Variants in SLC38A9 observed in about 807,000 individuals in gnomAD.
SLC38A9 encodes neutral amino acid transporter 9.
In SLC38A9, 48 loss-of-function variants were observed where a neutral mutation model predicts 62.3. The ratio of observed to expected loss-of-function variants is 0.77; its 90% CI spans 0.61 to 0.98. SLC38A9 has a LOEUF of 0.98. Ranked by LOEUF, SLC38A9 falls within the 50% of genes least tolerant of loss-of-function variation. SLC38A9 has a pLI of 0.00. For missense variants in SLC38A9, 541 were observed against 679.8 expected (o/e 0.80, Z 2.27); for synonymous variants, 204 against 227.7 (o/e 0.90, Z 0.94).
intron 3 of SLC38A9, among the ~76,000 whole-genome samples, chr5:55,690,865 T>C (rs2150532459): frequency 6.6e-6 from 1 of 152,330 alleles, no homozygotes; most frequent in East Asian, 1.9e-4. Flanking sequence ...TGCGACCTTA[T>C]TTACAATCCC....
At chr5:55,704,467 G>C (rs1456834331) in intron 2 of SLC38A9, 1 of 152,176 alleles carries the variant, frequency 6.6e-6, no homozygotes, top group Non-Finnish European at 1.5e-5. Context: ...AAACCTATAA[G>C]TTAGTAAGTA....
intron 3 of SLC38A9, among the ~76,000 whole-genome samples, chr5:55,688,659 G>T (rs28661188): frequency 4.0e-5 from 6 of 151,804 alleles, no homozygotes; most frequent in African/African-American, 2.4e-5. Context: ...GGATTACAGG[G>T]GTGAGCCACT....
intron 12 of SLC38A9, among the ~76,000 whole-genome samples, chr5:55,642,729 T>C (rs527250546): frequency 6.6e-6 from 1 of 152,192 alleles, no homozygotes; most frequent in Non-Finnish European, 1.5e-5. Context: ...TTTTTACATA[T>C]GACAAAAATG....
At chr5:55,708,974 T>A (rs562256097) in intron 2 of SLC38A9, among the ~76,000 whole-genome samples, 1 of 152,330 alleles carries the variant, frequency 6.6e-6, no homozygotes, top group South Asian at 2.1e-4. Flanking sequence ...GTCACCCTGG[T>A]GGAAGCAGTT....
intron 8 of SLC38A9, among the ~76,000 whole-genome samples, chr5:55,657,391 C>T (rs548815112): frequency 3.0e-4 from 45 of 152,172 alleles, no homozygotes; most frequent in African/African-American, 1.1e-3. Context: ...TTCTCTTATC[C>T]TCACACTAAA....
chr5:55,692,952 C>T lies in SLC38A9; in HGVS notation c.113+4894G>A, dbSNP rs554318251. 2.0e-5 allele frequency: 20 copies of T among 980,282 alleles called. No individual in the cohort carries two copies. The African/African-American group carries it at 3.3e-4, about 16-fold the overall frequency. The allele number at this position is 980,282 out of a possible 1,614,324, so 60.7% of individuals were successfully genotyped here. On this transcript the variant is annotated intron_variant, in intron 3 of 15. Transcript: ENST00000396865. ...GATAAATTTCTCATGTGATAAATTT[C>T]ACATTTCCACCTCTAGTTTTAAGAA... is the stretch of plus-strand genomic sequence containing the variant.
chr5:55,699,602 C>T (rs6450344), intron 2 of SLC38A9, among the ~76,000 whole-genome samples: 91,191 of 151,898 alleles, frequency 0.6, 27,928 homozygotes, highest in South Asian at 0.7. Context: ...ACTTCAACTA[C>T]AAAAATCAAT....
chr5:55,667,755 T>A (rs7735343), intron 7 of SLC38A9, among the ~76,000 whole-genome samples: 91,099 of 151,834 alleles, frequency 0.6, 27,914 homozygotes, highest in South Asian at 0.7. Flanking sequence ...TTTAAGACAG[T>A]GTTTCACTCC....
At chr5:55,701,325 A>G (rs1042158102) in intron 2 of SLC38A9, among the ~76,000 whole-genome samples, 3 of 152,160 alleles carry the variant, frequency 2.0e-5, no homozygotes, top group Non-Finnish European at 4.4e-5. Flanking sequence ...CATGTCCAAA[A>G]TGGAATTTCT....
intron 3 of SLC38A9, among the ~76,000 whole-genome samples, chr5:55,676,943 T>A (rs1021479512): frequency 2.0e-5 from 3 of 152,214 alleles, no homozygotes; most frequent in African/African-American, 7.2e-5. Context: ...AACATGTCTG[T>A]CACCAATAAA....
rs1047250213 is a variant in SLC38A9 at position 55,664,629 on chromosome 5, TAAC to T, written c.697+61_697+63del. 8 of 893,070 alleles carry T rather than the reference TAAC, an allele frequency of 9.0e-6. No individual in the cohort carries two copies. In the African/African-American group the frequency reaches 1.4e-4, roughly 16 times the overall value. 55.3% of individuals were successfully genotyped at this position (893,070 alleles called of 1,614,324 possible). A position where few individuals can be genotyped will look rare whatever the true frequency, so the allele number is the denominator to read the frequency against. On this transcript the variant is annotated intron_variant, in intron 8 of 15. Transcript: ENST00000396865. ...AAGTCCTAGAATTTAAGGCTAGAAC[TAAC>T]ATTACAGTGGTAATAGTATTTGAAA...
intron 3 of SLC38A9, among the ~76,000 whole-genome samples, chr5:55,695,796 C>T (rs1269595253): frequency 2.6e-5 from 2 of 77,960 alleles, no homozygotes; most frequent in Admixed American, 1.2e-4. Flanking sequence ...ACCTCCCAGA[C>T]GGGGTGGTGG....
chr5:55,646,933 T>C (rs540297588), intron 11 of SLC38A9, among the ~76,000 whole-genome samples: 2 of 152,208 alleles, frequency 1.3e-5, no homozygotes, highest in East Asian at 3.9e-4. Context: ...AAAGAATTAT[T>C]TTTTTGTAGA....
At chr5:55,640,958 TC>T (rs1390230411) in intron 12 of SLC38A9, among the ~76,000 whole-genome samples, 1 of 152,142 alleles carries the variant, frequency 6.6e-6, no homozygotes, top group African/African-American at 2.4e-5. Flanking sequence ...TGCCTCAGCC[TC>T]CCTACTAGCT....
chr5:55,705,131 T>A (rs1757127454), intron 2 of SLC38A9, among the ~76,000 whole-genome samples: 1 of 152,140 alleles, frequency 6.6e-6, no homozygotes, highest in African/African-American at 2.4e-5. Flanking sequence ...AATCAGCTGA[T>A]GTATCTACAT....
chr5:55,649,671 AGTTAGCCAG>A (rs895509920), intron 10 of SLC38A9, among the ~76,000 whole-genome samples: 2 of 152,280 alleles, frequency 1.3e-5, no homozygotes, highest in African/African-American at 4.8e-5. Context: ...AAAATACAAA[AGTTAGCCAG>A]GTGTGGTGGC....
In SLC38A9 at chr5:55,664,184, AC is replaced by A. The variant is rs537577602; in HGVS notation, c.697+508del. On this transcript the variant is annotated intron_variant, in intron 8 of 15. Coordinates refer to ENST00000396865, the MANE Select transcript of SLC38A9 (RefSeq NM_173514.4). ...TAAAAAAATGAACTTCCTCTATCTA[AC>A]CTAAAAAAAATTATAAGAAGTATTT... is the stretch of plus-strand genomic sequence containing the variant. Among the ~76,000 whole-genome samples the A allele has an allele frequency of 6.2e-3, 950 of 152,094 alleles. 10 individuals carry two copies. Among genetic ancestry groups the A allele is most frequent in the African/African-American group, 0.022 (921 of 41,494 alleles).
intron 12 of SLC38A9, among the ~76,000 whole-genome samples, chr5:55,642,706 T>C (rs1745639482): frequency 6.6e-6 from 1 of 152,212 alleles, no homozygotes; most frequent in East Asian, 1.9e-4. Flanking sequence ...ACAACCCTGA[T>C]AGGTAGCTAT....
chr5:55,659,489 G>A lies in SLC38A9; in HGVS notation c.698-2715C>T, dbSNP rs1484622089. Among the ~76,000 whole-genome samples, 8 of 148,090 alleles carry A rather than the reference G, an allele frequency of 5.4e-5. No homozygotes were observed. The South Asian group carries it at 1.8e-3, about 33-fold the overall frequency. On this transcript the variant is annotated intron_variant, in intron 8 of 15. Coordinates refer to ENST00000396865, the MANE Select transcript of SLC38A9 (RefSeq NM_173514.4). ...TGCAACCTCCACCTCCTGGGTTCAA[G>A]CCATTCTCCTGCCTCAGCCTCCTGA...
Sources: gnomAD v4.1 joint callset for allele counts (sites outside exome capture counted in the v4.1 genomes callset) on GRCh38, gnomAD v4.1.1 for gene constraint, MANE v1.5 for transcripts, NCBI Gene and HGNC (gene_info 2026-07-23, HGNC 2026-07-21) for gene names.